Variants in USP34 observed in about 807,000 individuals in gnomAD.
USP34 encodes the protein ubiquitin carboxyl-terminal hydrolase 34.
In USP34, 70 loss-of-function variants were observed where a neutral mutation model predicts 460.3. That is an observed-to-expected ratio of 0.15 (90% confidence interval 0.13 to 0.19). The LOEUF (loss-of-function observed/expected upper bound fraction) is 0.19, where lower values mean the gene tolerates loss of function less well. Ranked by LOEUF, USP34 falls within the 10% of genes least tolerant of loss-of-function variation. The probability of loss-of-function intolerance (pLI) is 1.00; values close to 1 mark genes in which losing one functional copy is unlikely to be tolerated. For missense variants in USP34, 3,985 were observed against 4,236.2 expected (o/e 0.94, Z 1.65); for synonymous variants, 1,647 against 1,405.3 (o/e 1.17, Z -3.85).
At position 61,406,101 on chromosome 2, in the gene USP34, A is replaced by G. The variant is rs775998700; in HGVS notation, c.159T>C (p.Tyr53=). ...CTTGATTAAAAATCTCCAAATGCTT[A>G]TATTCCTTGAAGCAGCATAGACATT... The part of the protein sequence containing the change: ...QRQCLCCFKE[Y]KHLEIFNQVV... The change falls in exon 3 of 80, where the codon TAT becomes TAC. Residue 53 remains tyrosine, a synonymous_variant. Coordinates refer to ENST00000398571, the MANE Select transcript of USP34 (RefSeq NM_014709.4). 17 of 1,611,654 alleles carry G rather than the reference A, an allele frequency of 1.1e-5. No homozygotes were observed. In the South Asian group the frequency reaches 1.9e-4, roughly 18 times the overall value.
intron 2 of USP34, among the ~76,000 whole-genome samples, chr2:61,418,086 CT>C (rs113786034): frequency 0.011 from 1,486 of 138,482 alleles, 20 homozygotes; most frequent in African/African-American, 0.034. Flanking sequence ...TGTTAACATA[CT>C]TTTTTTTTTT....
Position 61,333,914 on chromosome 2 carries a change from A to C in USP34, c.2802T>G (p.Phe934Leu), listed in dbSNP as rs1440211402. Residue 934 changes from phenylalanine (F) to leucine (L), a missense_variant, in exon 19 of 80, where the codon TTT becomes TTG. Physicochemically the swap from Phe to Leu is conservative, Grantham distance 22. Around this residue, in one of 14 missense-constraint regions of USP34, gnomAD observed 1,114 missense variants for 1,122.5 expected, o/e 0.99. Coordinates refer to ENST00000398571, the MANE Select transcript of USP34 (RefSeq NM_014709.4). ...TCCAGTGTGTATCGTAACTGCTCCC[A>C]AACTGCTGAAAAGTACCAAATAGTT... ...LPKLFGTFQQFGSSYDTHWIT... is the reference protein window; with the variant it reads ...LPKLFGTFQQLGSSYDTHWIT... 1.9e-6 allele frequency: 3 copies of C among 1,594,776 alleles called. No homozygotes were observed. The highest frequency in any genetic ancestry group is 1.7e-6 in the Non-Finnish European group (2 of 1,170,414).
intron 75 of USP34, among the ~76,000 whole-genome samples, chr2:61,198,089 AACTTATTAAAATT>A (rs755812491): frequency 2.7e-4 from 41 of 152,296 alleles, no homozygotes; most frequent in Non-Finnish European, 5.3e-4. Flanking sequence ...ATATTAAAAT[AACTTATTAAAATT>A]ACAAAACCAA....
chr2:61,233,621 T>A (rs1006559661), intron 57 of USP34, among the ~76,000 whole-genome samples: 1 of 151,880 alleles, frequency 6.6e-6, no homozygotes, highest in Non-Finnish European at 1.5e-5. Flanking sequence ...AAGCCTGGAG[T>A]TTGAGACCAG....
chr2:61,309,699 C>A (rs1690527107), intron 27 of USP34, among the ~76,000 whole-genome samples: 1 of 152,146 alleles, frequency 6.6e-6, no homozygotes, highest in South Asian at 2.1e-4. Flanking sequence ...CTGCTTTGAT[C>A]TACTCCTGAG....
At chr2:61,346,406 G>C (rs1025565044) in intron 15 of USP34, 1 of 149,472 alleles carries the variant, frequency 6.7e-6, no homozygotes, top group Non-Finnish European at 1.5e-5. Flanking sequence ...CACACCTTAA[G>C]TCTCAAGTGC....
intron 10 of USP34, among the ~76,000 whole-genome samples, chr2:61,351,349 A>C (rs907908612): frequency 6.6e-6 from 1 of 152,334 alleles, no homozygotes; most frequent in South Asian, 2.1e-4. Flanking sequence ...ATAAAGATCT[A>C]TAAAATAATA....
chr2:61,307,840 G>T (rs955923679), intron 27 of USP34, among the ~76,000 whole-genome samples: 1 of 152,060 alleles, frequency 6.6e-6, no homozygotes, highest in Non-Finnish European at 1.5e-5. Flanking sequence ...TTGAGACCAG[G>T]AGTTAAATAA....
intron 25 of USP34, among the ~76,000 whole-genome samples, chr2:61,312,672 C>T (rs561878627): frequency 3.9e-4 from 60 of 152,276 alleles, no homozygotes; most frequent in African/African-American, 1.3e-3. Context: ...ACCAGAGTTT[C>T]TCCACAGTGG....
At chr2:61,380,806 C>T (rs575080737) in intron 6 of USP34, among the ~76,000 whole-genome samples, 1 of 152,286 alleles carries the variant, frequency 6.6e-6, no homozygotes, top group Non-Finnish European at 1.5e-5. Flanking sequence ...ACCAACAAAA[C>T]AAGGAACCAA....
intron 51 of USP34, among the ~76,000 whole-genome samples, chr2:61,244,543 A>C (rs1688368941): frequency 6.7e-6 from 1 of 149,892 alleles, no homozygotes; most frequent in Admixed American, 6.7e-5. Flanking sequence ...GGAACCCAGG[A>C]GGTGGAGGTT....
rs200471425 is a variant in USP34 at position 61,189,015 on chromosome 2, G to A, written c.9928C>T (p.Pro3310Ser). The A allele has an allele frequency of 7.9e-5, 127 of 1,614,048 alleles. No individual in the cohort carries two copies. Among genetic ancestry groups the A allele is most frequent in the Non-Finnish European group, 1.1e-4 (127 of 1,180,040 alleles). Reference sequence around the variant, plus strand: ...TCTTGCAGAGTTGGAATTAGAGCTGGGTTTAACTGTTTGGGAGTGTGTACT... The same window carrying A: ...TCTTGCAGAGTTGGAATTAGAGCTGAGTTTAACTGTTTGGGAGTGTGTACT... Reference protein sequence around the residue: ...LSVHTPKQLNPALIPTLQELL... With the variant: ...LSVHTPKQLNSALIPTLQELL... Residue 3310 changes from proline to serine, a missense_variant, in exon 79 of 80, where the codon CCA (proline) becomes TCA (serine). Physicochemically the swap from Pro to Ser is moderately conservative, Grantham distance 74. This residue lies in a region of USP34 where 506 missense variants were observed against 439.0 expected (regional missense o/e 1.15). Transcript: ENST00000398571.
In USP34 at chr2:61,411,039, T is replaced by C. The variant is rs543005626; in HGVS notation, c.132-4911A>G. On this transcript the variant is annotated intron_variant, in intron 2 of 79. Transcript: ENST00000398571. ...TGTATCACCCATGAAAACAAGTTTTTTCTATACATAATGAACAAGATAAAC... is the reference window on the plus strand; with the variant it reads ...TGTATCACCCATGAAAACAAGTTTTCTCTATACATAATGAACAAGATAAAC... 2.3e-3 allele frequency among the ~76,000 whole-genome samples: 352 copies of C among 152,158 alleles called. 1 individual carries two copies. Among genetic ancestry groups the C allele is most frequent in the Non-Finnish European group, 4.0e-3 (275 of 68,000 alleles).
At chr2:61,396,552 G>C (rs1297850013) in intron 3 of USP34, among the ~76,000 whole-genome samples, 1 of 150,958 alleles carries the variant, frequency 6.6e-6, no homozygotes, top group African/African-American at 2.4e-5. Context: ...GCAGGAGCAT[G>C]ATCTCGGATC....
At chr2:61,288,068 CAG>C (rs1315024744) in intron 34 of USP34, among the ~76,000 whole-genome samples, 17 of 152,184 alleles carry the variant, frequency 1.1e-4, no homozygotes, top group South Asian at 2.1e-4. Context: ...ACCTAGAAGA[CAG>C]AGTTTGTTTC....
At chr2:61,236,259 T>C in intron 54 of USP34, 23 bp from the exon 55 acceptor site, 1 of 1,601,414 alleles carries the variant, frequency 6.2e-7, no homozygotes, top group South Asian at 1.1e-5. Flanking sequence ...AATAATCATT[T>C]AAAATTCACA....
chr2:61,310,374 A>G (rs1427289477), intron 27 of USP34, among the ~76,000 whole-genome samples: 1 of 152,132 alleles, frequency 6.6e-6, no homozygotes, highest in African/African-American at 2.4e-5. Flanking sequence ...AAAATGAATC[A>G]AGTTATTACT....
At chr2:61,440,508 C>T (rs1480073957) in intron 1 of USP34, among the ~76,000 whole-genome samples, 3 of 151,614 alleles carry the variant, frequency 2.0e-5, no homozygotes, top group Admixed American at 6.6e-5. Context: ...GAAAAAGTTG[C>T]CCTTTTTAAA....
At chr2:61,403,992 C>CAAAAAAAA (rs71405114) in intron 3 of USP34, among the ~76,000 whole-genome samples, 1 of 29,110 alleles carries the variant, frequency 3.4e-5, no homozygotes, top group Non-Finnish European at 7.4e-5. Flanking sequence ...GACTCTATCT[C>CAAAAAAAA]AAAAAAAAAA....
Sources: gnomAD v4.1 joint callset for allele counts (sites outside exome capture counted in the v4.1 genomes callset) on GRCh38, gnomAD v4.1.1 for gene constraint, gnomAD v4.1.1 regional missense constraint, MANE v1.5 for transcripts, NCBI Gene and HGNC (gene_info 2026-07-23, HGNC 2026-07-21) for gene names.